The following UGT1A6 variants were observed in gnomAD, a reference collection of about 807,000 sequenced individuals.
UGT1A6 encodes UDP-glucuronosyltransferase 1A6.
A neutral mutation model predicts 44.4 loss-of-function variants in UGT1A6; 32 were observed. That is an observed-to-expected ratio of 0.72 (90% confidence interval 0.54 to 0.97). UGT1A6 has a LOEUF of 0.97. Among genes scored for constraint, UGT1A6 ranks in the 50% least tolerant of loss-of-function variants. UGT1A6 has a pLI of 0.00. For missense variants in UGT1A6, 685 were observed against 661.9 expected, an observed-to-expected ratio of 1.03 and a Z score of -0.38; for synonymous variants, 238 against 248.5, an observed-to-expected ratio of 0.96 and a Z score of 0.40.
intron 1 of UGT1A6, among the ~76,000 whole-genome samples, chr2:233,695,073 G>C (rs1470813496): frequency 6.6e-6 from 1 of 151,628 alleles, no homozygotes; most frequent in Non-Finnish European, 1.5e-5. Flanking sequence ...TCGCACTTTG[G>C]ACTTACTCAT....
intron 1 of UGT1A6, chr2:233,729,951 C>A (rs1214180861): frequency 6.2e-7 from 1 of 1,613,942 alleles, no homozygotes; most frequent in East Asian, 2.2e-5. Context: ...ACATGGTCTT[C>A]ATTGGGGGCA....
Position 233,767,097 on chromosome 2 carries a change from A to G in UGT1A6, c.925A>G (p.Met309Val), listed in dbSNP as rs1699317728. ...HGIVVFSLGS[M>V]VSEIPEKKAM... The stretch of plus-strand genomic sequence containing the variant: ...AATTGTGGTTTTCTCTTTGGGATCA[A>G]TGGTCTCAGAAATTCCAGAGAAGAA... The change falls in exon 2 of 5, where the codon ATG becomes GTG. Residue 309 changes from methionine (M) to valine (V), a missense_variant. Transcript: ENST00000305139. 1 of 1,614,142 alleles carries G rather than the reference A, an allele frequency of 6.2e-7. No individual in the cohort carries two copies. Among genetic ancestry groups the G allele is most frequent in the Non-Finnish European group, 8.5e-7 (1 of 1,180,030 alleles).
At chr2:233,692,802 A>G (rs2075115278), upstream of UGT1A6, 1 of 1,397,668 alleles carries the variant, frequency 7.2e-7, no homozygotes, top group Non-Finnish European at 9.3e-7. Context: ...TGACACGGCC[A>G]TAGTTGGTTC....
chr2:233,746,849 C>A (rs1171057380), intron 1 of UGT1A6, among the ~76,000 whole-genome samples: 1 of 151,698 alleles, frequency 6.6e-6, no homozygotes, highest in African/African-American at 2.4e-5. Flanking sequence ...CCTCTCAGAC[C>A]TCAGCTGCAG....
Position 233,747,153 on chromosome 2 carries a change from A to G in UGT1A6, c.862-19881A>G, listed in dbSNP as rs1559391866. The G allele has an allele frequency of 3.2e-6, 5 of 1,578,556 alleles. No individual in the cohort carries two copies. The East Asian group carries it at 9.0e-5, about 28-fold the overall frequency. On this transcript the variant is annotated intron_variant, in intron 1 of 4. Transcript: ENST00000305139. Reference sequence around the variant, plus strand: ...CAGTGACAAGGTAATTAAGATGAAGAAAACAAATGTAGGAGGCACAGCGTG... The same window carrying G: ...CAGTGACAAGGTAATTAAGATGAAGGAAACAAATGTAGGAGGCACAGCGTG...
chr2:233,754,958 A>G (rs750600568), intron 1 of UGT1A6: 19 of 1,315,144 alleles, frequency 1.4e-5, no homozygotes, highest in South Asian at 1.4e-4. Flanking sequence ...CCCGGCCGCC[A>G]AAGAACTCCC....
chr2:233,771,184 C>G (rs1452671929), intron 4 of UGT1A6: 1 of 152,242 alleles, frequency 6.6e-6, no homozygotes, highest in Non-Finnish European at 1.5e-5. Flanking sequence ...TACAATTCAA[C>G]ATGAGATCTG....
intron 1 of UGT1A6, among the ~76,000 whole-genome samples, chr2:233,763,058 A>G (rs1698227162): frequency 6.6e-6 from 1 of 152,176 alleles, no homozygotes. Context: ...ATTGATTTAG[A>G]TAATTTCCTT....
At chr2:233,747,843 G>T in intron 1 of UGT1A6, 1 of 1,613,470 alleles carries the variant, frequency 6.2e-7, no homozygotes, top group Admixed American at 1.7e-5. Flanking sequence ...CCTGCAAAGG[G>T]TCAAGAACAT....
intron 1 of UGT1A6, among the ~76,000 whole-genome samples, chr2:233,694,677 G>C (rs910499243): frequency 6.6e-6 from 1 of 152,150 alleles, no homozygotes; most frequent in African/African-American, 2.4e-5. Context: ...GCCTCAAACA[G>C]GTCCCAAAGA....
rs754213125 is a variant in UGT1A6 at position 233,761,125 on chromosome 2, T to G, written c.862-5909T>G. ...TATGGTTTTTGTTGGTGGAATCAAC[T>G]GCCTTCACCAAAATCCACTATCCCA... On this transcript the variant is annotated intron_variant, in intron 1 of 4. Transcript: ENST00000305139. 1.1e-5 allele frequency: 17 copies of G among 1,614,134 alleles called. No homozygotes were observed. Among genetic ancestry groups the G allele is most frequent in the Middle Eastern group, 1.6e-4 (1 of 6,084 alleles).
chr2:233,762,816 G>T (rs28946889), intron 1 of UGT1A6, among the ~76,000 whole-genome samples: 30,774 of 150,410 alleles, frequency 0.2, 3,870 homozygotes, highest in East Asian at 0.45. Flanking sequence ...TCAAAATATT[G>T]ATTTTCATAA....
At chr2:233,739,943 C>A (rs1413730564) in intron 1 of UGT1A6, among the ~76,000 whole-genome samples, 1 of 151,878 alleles carries the variant, frequency 6.6e-6, no homozygotes, top group African/African-American at 2.4e-5. Context: ...AAGGTTGGTA[C>A]CTGGTGGGAG....
chr2:233,765,844 C>G (rs997504549), intron 1 of UGT1A6, among the ~76,000 whole-genome samples: 1 of 152,044 alleles, frequency 6.6e-6, no homozygotes, highest in African/African-American at 2.4e-5. Flanking sequence ...TTCCTTGTCC[C>G]CCTCACAGAG....
At chr2:233,712,930 G>A in intron 1 of UGT1A6, 1 of 1,612,150 alleles carries the variant, frequency 6.2e-7, no homozygotes, top group Non-Finnish European at 8.5e-7. Flanking sequence ...TTAAGACGAA[G>A]GAAACAATTC....
rs1444148236 is a variant in UGT1A6, at chr2:233,693,985, A to G, written c.861+120A>G. The G allele has an allele frequency of 3.9e-6, 6 of 1,547,132 alleles. No homozygotes were observed. In the East Asian group the frequency reaches 9.0e-5, roughly 23 times the overall value. Reference sequence around the variant, plus strand: ...ATTTCCTGGAGAAACGGTGGGGGGAAGTGATACCCGGCTCGGAGCAGCGGG... The same window carrying G: ...ATTTCCTGGAGAAACGGTGGGGGGAGGTGATACCCGGCTCGGAGCAGCGGG... On this transcript the variant is annotated intron_variant, in intron 1 of 4. Transcript: ENST00000305139.
rs1575663531 is a variant in UGT1A6, at chr2:233,744,064, T to A, written c.862-22970T>A. ...GCCACATCTCATTGGTCGAGGCCTATGAGCGCCTCGCATCCCAAGATGCAG... is the reference window on the plus strand; with the variant it reads ...GCCACATCTCATTGGTCGAGGCCTAAGAGCGCCTCGCATCCCAAGATGCAG... On this transcript the variant is annotated intron_variant, in intron 1 of 4. Transcript: ENST00000305139. 7.1e-6 allele frequency: 4 copies of A among 560,044 alleles called. No homozygotes were observed. In the East Asian group the frequency reaches 2.1e-4, roughly 29 times the overall value. 34.7% of individuals were successfully genotyped at this position (560,044 alleles called of 1,614,324 possible). A position where few individuals can be genotyped will look rare whatever the true frequency, so the allele number is the denominator to read the frequency against.
chr2:233,766,951 A>C (rs1699289551), intron 1 of UGT1A6, 83 bp from the exon 2 acceptor site: 10 of 1,601,242 alleles, frequency 6.2e-6, no homozygotes, highest in Non-Finnish European at 8.5e-6. Context: ...CTTAAGAGGA[A>C]GATATCTAAT....
intron 1 of UGT1A6, among the ~76,000 whole-genome samples, chr2:233,721,302 G>A (rs541150498): frequency 1.8e-4 from 27 of 152,234 alleles, no homozygotes; most frequent in African/African-American, 6.5e-4. Flanking sequence ...CATTTGAATA[G>A]TGATTGTGGC....
Sources: allele counts gnomAD v4.1 joint callset (sites outside exome capture counted in the v4.1 genomes callset), GRCh38; gene constraint gnomAD v4.1.1; transcripts MANE v1.5; gene names NCBI Gene and HGNC (gene_info 2026-07-23, HGNC 2026-07-21).